PTPN2: variants seen among roughly 807,000 people sequenced by gnomAD.
The protein encoded by PTPN2 is tyrosine-protein phosphatase non-receptor type 2.
PTPN2 carries 19 observed loss-of-function variants against 57.3 expected under a neutral mutation model. The observed-to-expected ratio is 0.33, with a 90% CI of 0.23 to 0.49. The LOEUF is 0.49. Ranked by LOEUF, PTPN2 falls within the 20% of genes least tolerant of loss-of-function variation. The pLI, the probability that PTPN2 is intolerant of heterozygous loss-of-function variation, is 0.99. For synonymous variants in PTPN2, 153 were observed against 164.9 expected (o/e 0.93, Z 0.55); for missense variants, 358 against 501.1 (o/e 0.71, Z 2.73).
downstream of PTPN2, among the ~76,000 whole-genome samples, chr18:12,791,676 G>GA (rs1443898273): frequency 6.6e-6 from 1 of 152,156 alleles, no homozygotes; most frequent in African/African-American, 2.4e-5. Context: ...CCTTCTCAAG[G>GA]ATCTGCTCAG....
At chr18:12,858,792 C>G (rs940190474) in intron 2 of PTPN2, among the ~76,000 whole-genome samples, 1 of 152,096 alleles carries the variant, frequency 6.6e-6, no homozygotes, top group Non-Finnish European at 1.5e-5. Context: ...AAAAACCAAA[C>G]TACACCAATA....
chr18:12,852,288 T>C (rs1047394881), intron 2 of PTPN2, among the ~76,000 whole-genome samples: 1 of 151,414 alleles, frequency 6.6e-6, no homozygotes, highest in African/African-American at 2.4e-5. Flanking sequence ...GGCACTCCCT[T>C]TTAGACCAAA....
At chr18:12,802,564 A>T (rs1281518037) in intron 7 of PTPN2, among the ~76,000 whole-genome samples, 1 of 152,190 alleles carries the variant, frequency 6.6e-6, no homozygotes, top group Non-Finnish European at 1.5e-5. Flanking sequence ...TCCAAGGTAC[A>T]TTATAATAAA....
At chr18:12,830,921 G>A in intron 4 of PTPN2, 22 bp downstream of exon 4, 14 of 1,515,388 alleles carry the variant, frequency 9.2e-6, no homozygotes, top group Non-Finnish European at 1.3e-5. Context: ...ATACTAAGTT[G>A]TAAATATTAA....
At chr18:12,862,877 T>C (rs911018217) in intron 1 of PTPN2, 6 of 146,104 alleles carry the variant, frequency 4.1e-5, no homozygotes, top group Non-Finnish European at 6.0e-5. Flanking sequence ...AAATCAGCTA[T>C]TGATTAATTT....
In PTPN2 at chr18:12,793,109, C is replaced by T. The variant is rs2041033130; in HGVS notation, c.*1169G>A. 2.0e-6 allele frequency: 2 copies of T among 984,714 alleles called. No individual in the cohort carries two copies. The highest frequency in any genetic ancestry group is 2.4e-6 in the Non-Finnish European group (2 of 829,318). 61.0% of individuals were successfully genotyped at this position (984,714 alleles called of 1,614,324 possible). On this transcript the variant is annotated 3_prime_UTR_variant, in exon 9 of 9. Transcript: ENST00000309660. ...TGCCTCCTAGCAATTAAATTTGTAA[C>T]AACAATTTCAAGTTTAAGTAAGACA...
At chr18:12,831,806 A>C (rs1861666337) in intron 3 of PTPN2, among the ~76,000 whole-genome samples, 1 of 152,246 alleles carries the variant, frequency 6.6e-6, no homozygotes, top group South Asian at 2.1e-4. Flanking sequence ...AGTCCATGTT[A>C]CAACAATGCC....
intron 5 of PTPN2, among the ~76,000 whole-genome samples, chr18:12,820,438 G>A (rs770684689): frequency 1.1e-4 from 17 of 152,018 alleles, no homozygotes; most frequent in Non-Finnish European, 1.9e-4. Flanking sequence ...TCATATGCAT[G>A]ACTGGATGGA....
intron 1 of PTPN2, among the ~76,000 whole-genome samples, chr18:12,864,931 A>C (rs2043941407): frequency 6.6e-6 from 1 of 151,692 alleles, no homozygotes; most frequent in East Asian, 1.9e-4. Flanking sequence ...TCATTTCATA[A>C]GCAGTAACTG....
At chr18:12,796,267 T>C (rs976007119) in intron 8 of PTPN2, among the ~76,000 whole-genome samples, 3 of 152,160 alleles carry the variant, frequency 2.0e-5, no homozygotes, top group Non-Finnish European at 4.4e-5. Context: ...GCTACAGAAG[T>C]TGGGATCAGG....
chr18:12,879,650 C>A (rs977053554), intron 1 of PTPN2, among the ~76,000 whole-genome samples: 1 of 152,166 alleles, frequency 6.6e-6, no homozygotes, highest in South Asian at 2.1e-4. Flanking sequence ...TTATCAAACT[C>A]ATGAAATAAA....
At chr18:12,806,255 G>T (rs1459989197) in intron 7 of PTPN2, among the ~76,000 whole-genome samples, 2 of 152,058 alleles carry the variant, frequency 1.3e-5, no homozygotes, top group Non-Finnish European at 2.9e-5. Flanking sequence ...TTTAACCAAG[G>T]AGGTGAAAGA....
At chr18:12,855,992 T>C (rs1205419871) in intron 2 of PTPN2, among the ~76,000 whole-genome samples, 1 of 152,010 alleles carries the variant, frequency 6.6e-6, no homozygotes, top group African/African-American at 2.4e-5. Context: ...GCAGGTACAG[T>C]GGGAGTAAGC....
chr18:12,794,647 C>T (rs534545631), intron 8 of PTPN2, among the ~76,000 whole-genome samples, 162 bp from the exon 9 acceptor site: 8 of 152,150 alleles, frequency 5.3e-5, no homozygotes, highest in Admixed American at 5.2e-4. Context: ...TTTGAGACAG[C>T]GTCTTGCTCT....
intron 2 of PTPN2, among the ~76,000 whole-genome samples, chr18:12,842,047 C>G (rs1252849592): frequency 6.6e-6 from 1 of 152,128 alleles, no homozygotes; most frequent in Non-Finnish European, 1.5e-5. Flanking sequence ...GCTGGGATTA[C>G]AGGCATGTGC....
chr18:12,872,595 T>C (rs939068136), intron 1 of PTPN2, among the ~76,000 whole-genome samples: 1 of 152,200 alleles, frequency 6.6e-6, no homozygotes, highest in African/African-American at 2.4e-5. Context: ...GCCCCTGAAA[T>C]CAGTTTCTTG....
At chr18:12,850,974 A>G (rs2043375057) in intron 2 of PTPN2, among the ~76,000 whole-genome samples, 1 of 152,094 alleles carries the variant, frequency 6.6e-6, no homozygotes, top group African/African-American at 2.4e-5. Flanking sequence ...TCCCGACCTC[A>G]GGTGATCCAC....
chr18:12,793,637 C>CAT lies in PTPN2; in HGVS notation c.*639_*640dup. On this transcript the variant is annotated 3_prime_UTR_variant, in exon 9 of 9. Coordinates refer to ENST00000309660, the MANE Select transcript of PTPN2 (RefSeq NM_002828.4). ...TTGCTTATTCCAACTTCTAACTGCT[C>CAT]ATATCAAACTTCTCTTTAGAAAAAT... is the stretch of plus-strand genomic sequence containing the variant. 1 of 982,462 alleles carries CAT rather than the reference C, an allele frequency of 1.0e-6. No homozygotes were observed. 60.9% of individuals were successfully genotyped at this position (982,462 alleles called of 1,614,324 possible). A position where few individuals can be genotyped will look rare whatever the true frequency, so the allele number is the denominator to read the frequency against.
intron 6 of PTPN2, 22 bp from the exon 7 acceptor site, chr18:12,814,377 A>G (rs1172625532): frequency 5.1e-6 from 8 of 1,567,056 alleles, no homozygotes; most frequent in South Asian, 1.2e-5. Flanking sequence ...GCAAAAAATG[A>G]GACAAGTCTT....
Sources: gnomAD v4.1 joint callset for allele counts (sites outside exome capture counted in the v4.1 genomes callset) on GRCh38, gnomAD v4.1.1 for gene constraint, MANE v1.5 for transcripts, NCBI Gene and HGNC (gene_info 2026-07-23, HGNC 2026-07-21) for gene names.